Variants in MGAT4C observed in about 807,000 individuals in gnomAD.
The protein encoded by MGAT4C is MGAT4 family member C.
Under a neutral mutation model 40.1 loss-of-function variants are expected in MGAT4C, and 19 were observed. That is an observed-to-expected ratio of 0.47 (90% confidence interval 0.33 to 0.70). The LOEUF (loss-of-function observed/expected upper bound fraction) is 0.70, where lower values mean the gene tolerates loss of function less well. Ranked by LOEUF, MGAT4C falls within the 30% of genes least tolerant of loss-of-function variation. The pLI is 0.02. For missense variants in MGAT4C, 491 were observed against 563.2 expected, an observed-to-expected ratio of 0.87 and a Z score of 1.30; for synonymous variants, 181 against 187.1, an observed-to-expected ratio of 0.97 and a Z score of 0.27.
chr12:86,728,047 T>C (rs899016141), intron 1 of MGAT4C, among the ~76,000 whole-genome samples: 2 of 152,192 alleles, frequency 1.3e-5, no homozygotes, highest in South Asian at 2.1e-4. Flanking sequence ...TCTTTATTGA[T>C]AAATAAGTTT....
chr12:86,237,926 A>G (rs962082097), intron 1 of MGAT4C, among the ~76,000 whole-genome samples: 1 of 151,956 alleles, frequency 6.6e-6, no homozygotes, highest in Non-Finnish European at 1.5e-5. Flanking sequence ...TGCACAAATA[A>G]GCATAAAATA....
At chr12:86,758,043 A>G (rs1414807380) in intron 1 of MGAT4C, among the ~76,000 whole-genome samples, 1 of 152,170 alleles carries the variant, frequency 6.6e-6, no homozygotes, top group Non-Finnish European at 1.5e-5. Context: ...AAAATTTTCC[A>G]AAGAACATAT....
intron 2 of MGAT4C, chr12:86,013,604 T>C (rs1001030609): frequency 3.1e-6 from 1 of 322,060 alleles, no homozygotes; most frequent in Non-Finnish European, 4.5e-6. Context: ...CAATTATACA[T>C]ATATAAATAG....
chr12:86,495,500 A>G (rs914763071), intron 2 of MGAT4C, among the ~76,000 whole-genome samples: 1 of 152,066 alleles, frequency 6.6e-6, no homozygotes, highest in South Asian at 2.1e-4. Flanking sequence ...CATCTGCATT[A>G]TGCCTGTATT....
At chr12:86,203,024 G>A (rs1488295962) in intron 1 of MGAT4C, among the ~76,000 whole-genome samples, 6 of 25,386 alleles carry the variant, frequency 2.4e-4, no homozygotes, top group South Asian at 1.8e-3. Flanking sequence ...CTGTGTGTGT[G>A]TGTGTGTGTG....
At chr12:86,390,163 G>A (rs1956138286) in intron 3 of MGAT4C, among the ~76,000 whole-genome samples, 1 of 152,076 alleles carries the variant, frequency 6.6e-6, no homozygotes, top group Non-Finnish European at 1.5e-5. Context: ...TTCCAAAAGA[G>A]CTCAGAAGAG....
chr12:86,586,564 C>T (rs1198732663), intron 2 of MGAT4C, among the ~76,000 whole-genome samples: 4 of 114,598 alleles, frequency 3.5e-5, no homozygotes, highest in East Asian at 2.5e-4. Context: ...TACAGTCCCA[C>T]CAACAGTGTA....
intron 2 of MGAT4C, among the ~76,000 whole-genome samples, chr12:86,501,362 G>C (rs1958337463): frequency 6.6e-6 from 1 of 151,964 alleles, no homozygotes; most frequent in African/African-American, 2.4e-5. Context: ...GTTCTAAAGT[G>C]CATGTGCAAG....
At chr12:85,985,585 T>C (rs1024633722) in intron 3 of MGAT4C, among the ~76,000 whole-genome samples, 1 of 152,178 alleles carries the variant, frequency 6.6e-6, no homozygotes, top group Non-Finnish European at 1.5e-5. Flanking sequence ...TGTGGTTTTG[T>C]GTGGCTTTTA....
At chr12:86,464,424 A>T (rs1466560143) in intron 2 of MGAT4C, among the ~76,000 whole-genome samples, 1 of 152,182 alleles carries the variant, frequency 6.6e-6, no homozygotes, top group Non-Finnish European at 1.5e-5. Context: ...TGGATATGGA[A>T]GTCATGATCA....
intron 2 of MGAT4C, among the ~76,000 whole-genome samples, chr12:86,010,170 T>A: frequency 6.6e-6 from 1 of 152,194 alleles, no homozygotes; most frequent in Non-Finnish European, 1.5e-5. Flanking sequence ...AGTTTGTATA[T>A]CTACACCATA....
intron 1 of MGAT4C, among the ~76,000 whole-genome samples, chr12:86,173,102 G>T (rs1460061130): frequency 6.6e-6 from 1 of 152,028 alleles, no homozygotes; most frequent in Non-Finnish European, 1.5e-5. Flanking sequence ...GTTCAGGCTG[G>T]GCTAAATTGT....
At chr12:86,486,136 T>C (rs1223463009) in intron 2 of MGAT4C, among the ~76,000 whole-genome samples, 3 of 152,122 alleles carry the variant, frequency 2.0e-5, no homozygotes, top group Non-Finnish European at 2.9e-5. Context: ...AGCTCTTCTA[T>C]TAAGTAATTA....
rs555448104 is a variant in MGAT4C, at chr12:86,834,787, G to T, written c.-262+3879C>A. On this transcript the variant is annotated intron_variant, in intron 1 of 7. Coordinates refer to the MGAT4C transcript ENST00000548651. ...GCCTAACATGTCTCCTCATTGGTGT[G>T]TAGGCGGGTTGTAGGTTTAAGACTG... 1.2e-4 allele frequency among the ~76,000 whole-genome samples: 18 copies of T among 152,016 alleles called. No individual in the cohort carries two copies. The South Asian group carries it at 3.5e-3, about 30-fold the overall frequency.
chr12:86,333,915 C>A (rs1450268648), intron 4 of MGAT4C: 2 of 152,082 alleles, frequency 1.3e-5, no homozygotes, highest in Non-Finnish European at 2.9e-5. Flanking sequence ...ACAAACATAT[C>A]AATTCTCACT....
chr12:86,478,930 G>T (rs1393171664), intron 2 of MGAT4C, among the ~76,000 whole-genome samples: 1 of 151,914 alleles, frequency 6.6e-6, no homozygotes, highest in Non-Finnish European at 1.5e-5. Context: ...AGTTATTCCA[G>T]AATAAATTAT....
intron 2 of MGAT4C, among the ~76,000 whole-genome samples, chr12:86,599,091 G>A (rs1961657253): frequency 6.6e-6 from 1 of 152,012 alleles, no homozygotes; most frequent in African/African-American, 2.4e-5. Flanking sequence ...GGTAGAATGG[G>A]GAGAGTGTTA....
At chr12:86,385,599 T>C (rs1447580367) in intron 3 of MGAT4C, among the ~76,000 whole-genome samples, 1 of 152,236 alleles carries the variant, frequency 6.6e-6, no homozygotes, top group Admixed American at 6.5e-5. Context: ...GCCTGTCTTG[T>C]CAGCCTCATC....
intron 3 of MGAT4C, among the ~76,000 whole-genome samples, chr12:86,344,720 GTGT>G (rs1954983746): frequency 1.6e-5 from 1 of 62,682 alleles, no homozygotes; most frequent in Non-Finnish European, 3.0e-5. Flanking sequence ...TCTTCTCGGT[GTGT>G]GTGTGTGTGT....
Sources: allele counts gnomAD v4.1 joint callset (sites outside exome capture counted in the v4.1 genomes callset), GRCh38; gene constraint gnomAD v4.1.1; transcripts MANE v1.5; gene names NCBI Gene and HGNC (gene_info 2026-07-23, HGNC 2026-07-21).